The following ARHGAP10 variants were observed in gnomAD, a reference collection of about 807,000 sequenced individuals.
The protein encoded by ARHGAP10 is Rho GTPase activating protein 10, also known as rho GTPase-activating protein 10.
In ARHGAP10, 87 loss-of-function variants were observed where a neutral mutation model predicts 108.6. That is an observed-to-expected ratio of 0.80 (90% CI 0.67 to 0.96). The LOEUF is 0.96. Among genes scored for constraint, ARHGAP10 ranks in the 40% least tolerant of loss-of-function variants. ARHGAP10 has a pLI of 0.00. For missense variants in ARHGAP10, 939 were observed against 954.5 expected (o/e 0.98, Z 0.21); for synonymous variants, 347 against 341.1 (o/e 1.02, Z -0.19).
At position 147,969,080 on chromosome 4, in the gene ARHGAP10, A is replaced by G. The variant is rs549643309; in HGVS notation, c.1716+2241A>G. Among the ~76,000 whole-genome samples, 16 of 152,286 alleles carry G rather than the reference A, an allele frequency of 1.1e-4. No individual in the cohort carries two copies. In the South Asian group the frequency reaches 1.7e-3, roughly 16 times the overall value. ...CTTATGGAGTGAAATAATGAATTCAATACATTTTGAGGGGGTTGAAGGACT... is the reference window on the plus strand; with the variant it reads ...CTTATGGAGTGAAATAATGAATTCAGTACATTTTGAGGGGGTTGAAGGACT... On this transcript the variant is annotated intron_variant, in intron 18 of 22. Coordinates refer to ENST00000336498, the MANE Select transcript of ARHGAP10 (RefSeq NM_024605.4).
intron 1 of ARHGAP10, among the ~76,000 whole-genome samples, chr4:147,813,828 A>G (rs17023870): frequency 0.12 from 18,914 of 152,180 alleles, 1,596 homozygotes; most frequent in African/African-American, 0.24. Context: ...AACAGCAGCT[A>G]TATAGCATAT....
chr4:147,950,015 T>G (rs1372856877), intron 15 of ARHGAP10, among the ~76,000 whole-genome samples: 1 of 152,194 alleles, frequency 6.6e-6, no homozygotes, highest in Non-Finnish European at 1.5e-5. Context: ...TCTTTTTATT[T>G]TATTACCTTG....
At chr4:148,029,966 C>T (rs1439277552) in intron 19 of ARHGAP10, among the ~76,000 whole-genome samples, 1 of 151,828 alleles carries the variant, frequency 6.6e-6, no homozygotes, top group Admixed American at 6.6e-5. Context: ...GTTGGTGTCT[C>T]CCCAGAAACC....
At chr4:147,911,046 C>A (rs984110741) in intron 12 of ARHGAP10, among the ~76,000 whole-genome samples, 2 of 152,000 alleles carry the variant, frequency 1.3e-5, no homozygotes, top group East Asian at 1.9e-4. Flanking sequence ...CTCATTCCCT[C>A]CTCTCCCCTT....
At chr4:147,906,833 TC>T (rs1736517051) in intron 11 of ARHGAP10, 114 bp downstream of exon 11, 1 of 1,258,660 alleles carries the variant, frequency 7.9e-7, no homozygotes, top group Non-Finnish European at 1.1e-6. Context: ...TAACAGGTAT[TC>T]CAAAAATCAT....
chr4:148,024,739 CTCTT>C (rs1324753524), intron 19 of ARHGAP10, among the ~76,000 whole-genome samples: 1 of 152,192 alleles, frequency 6.6e-6, no homozygotes, highest in East Asian at 1.9e-4. Context: ...TTTATTCTGT[CTCTT>C]TCTTACGTTC....
intron 19 of ARHGAP10, among the ~76,000 whole-genome samples, chr4:148,024,745 C>G (rs1467437330): frequency 2.0e-5 from 3 of 152,184 alleles, no homozygotes; most frequent in Non-Finnish European, 2.9e-5. Flanking sequence ...CTGTCTCTTT[C>G]TTACGTTCAT....
At chr4:148,062,225 A>G (rs10519931) in intron 20 of ARHGAP10, among the ~76,000 whole-genome samples, 17,264 of 152,210 alleles carry the variant, frequency 0.11, 1,104 homozygotes, top group Middle Eastern at 0.18. Flanking sequence ...CCAGGAGACC[A>G]TGCTGGTACT....
chr4:147,818,438 T>C (rs1732347424), intron 1 of ARHGAP10, among the ~76,000 whole-genome samples: 1 of 152,028 alleles, frequency 6.6e-6, no homozygotes, highest in Non-Finnish European at 1.5e-5. Flanking sequence ...TGATGGCATA[T>C]GCCTGTAATT....
chr4:147,775,148 C>T (rs1447905405), intron 1 of ARHGAP10, among the ~76,000 whole-genome samples: 4 of 152,072 alleles, frequency 2.6e-5, no homozygotes, highest in East Asian at 3.9e-4. Context: ...CTCCTGACCT[C>T]GTGATCCACT....
chr4:147,803,446 G>T (rs535038816), intron 1 of ARHGAP10, among the ~76,000 whole-genome samples: 1 of 152,192 alleles, frequency 6.6e-6, no homozygotes, highest in Non-Finnish European at 1.5e-5. Context: ...TTTATCATGT[G>T]CTTTGGGAAC....
intron 10 of ARHGAP10, among the ~76,000 whole-genome samples, chr4:147,886,515 T>G (rs1029192258): frequency 6.6e-6 from 1 of 152,234 alleles, no homozygotes; most frequent in Non-Finnish European, 1.5e-5. Flanking sequence ...TTGTTCGTCG[T>G]GCACTCACTT....
intron 3 of ARHGAP10, among the ~76,000 whole-genome samples, chr4:147,837,702 T>C (rs1368454325): frequency 7.7e-6 from 1 of 129,146 alleles, no homozygotes; most frequent in Non-Finnish European, 1.6e-5. Flanking sequence ...GATGGGACCA[T>C]CTCATTAGTG....
intron 1 of ARHGAP10, among the ~76,000 whole-genome samples, chr4:147,775,455 T>C (rs1730247686): frequency 6.6e-6 from 1 of 152,214 alleles, no homozygotes; most frequent in Non-Finnish European, 1.5e-5. Flanking sequence ...CAGGGGCCAG[T>C]GACAGTTAAG....
chr4:147,964,810 CATT>C (rs1260890155), intron 16 of ARHGAP10, among the ~76,000 whole-genome samples: 5 of 152,110 alleles, frequency 3.3e-5, no homozygotes, highest in Non-Finnish European at 7.4e-5. Flanking sequence ...GAAATTACCT[CATT>C]AGGGGAGGCA....
rs533965851 is a variant in ARHGAP10 at position 147,887,003 on chromosome 4, T to C, written c.1034+5071T>C. Among the ~76,000 whole-genome samples the C allele has an allele frequency of 7.9e-5, 12 of 152,238 alleles. No homozygotes were observed. In the East Asian group the frequency reaches 2.1e-3, roughly 27 times the overall value. On this transcript the variant is annotated intron_variant, in intron 10 of 22. Coordinates refer to ENST00000336498, the MANE Select transcript of ARHGAP10 (RefSeq NM_024605.4). Reference sequence around the variant, plus strand: ...AACTCCTGAACTCAAGAGATCCACCTGCCTCGGCCTCCCAAAGTGCTGGGA... The same window carrying C: ...AACTCCTGAACTCAAGAGATCCACCCGCCTCGGCCTCCCAAAGTGCTGGGA...
At position 147,738,982 on chromosome 4, in the gene ARHGAP10, A is replaced by G. The variant is rs78619931; in HGVS notation, c.154+6527A>G. Among the ~76,000 whole-genome samples the G allele has an allele frequency of 9.2e-5, 14 of 152,124 alleles. No homozygotes were observed. The East Asian group carries it at 2.7e-3, about 29-fold the overall frequency. ...TGGATCACTTGAGGTTAGGAGCTCA[A>G]GACTAGTCTGGAGAACATGGTGAAA... On this transcript the variant is annotated intron_variant, in intron 1 of 22. Coordinates refer to ENST00000336498, the MANE Select transcript of ARHGAP10 (RefSeq NM_024605.4).
intron 13 of ARHGAP10, among the ~76,000 whole-genome samples, chr4:147,925,643 G>C (rs954601018): frequency 6.6e-6 from 1 of 152,172 alleles, no homozygotes; most frequent in African/African-American, 2.4e-5. Flanking sequence ...TATGGTTCCT[G>C]TTCTTAAAGA....
At position 147,919,106 on chromosome 4, in the gene ARHGAP10, CTTTA is replaced by C. The variant is rs536698543; in HGVS notation, c.1228+5971_1228+5974del. Among the ~76,000 whole-genome samples, 59 of 152,272 alleles carry C rather than the reference CTTTA, an allele frequency of 3.9e-4. No homozygotes were observed. In the South Asian group the frequency reaches 4.4e-3, roughly 11 times the overall value. On this transcript the variant is annotated intron_variant, in intron 13 of 22. Transcript: ENST00000336498. ...TGACATTTGACGTTTTTATTAAAAA[CTTTA>C]TTTGTGATATTATTGCAGTATTTGC...
Sources: allele counts gnomAD v4.1 joint callset (sites outside exome capture counted in the v4.1 genomes callset), GRCh38; gene constraint gnomAD v4.1.1; transcripts MANE v1.5; gene names NCBI Gene and HGNC (gene_info 2026-07-23, HGNC 2026-07-21).